PDS5B: variants seen among roughly 807,000 people sequenced by gnomAD.
PDS5B encodes PDS5 cohesin associated factor B, also known as sister chromatid cohesion protein PDS5 homolog B.
A neutral mutation model predicts 184.1 loss-of-function variants in PDS5B; 51 were observed. The observed-to-expected ratio is 0.28, with a 90% CI of 0.22 to 0.35. PDS5B has a LOEUF of 0.35. PDS5B is among the 10% of genes least tolerant of loss of function. PDS5B has a pLI of 1.00. For synonymous variants in PDS5B, 566 were observed against 569.2 expected (o/e 0.99, Z 0.08); for missense variants, 1,180 against 1,723.3 (o/e 0.68, Z 5.58).
At chr13:32,717,066 T>A (rs1233377360) in intron 19 of PDS5B, among the ~76,000 whole-genome samples, 2 of 118,308 alleles carry the variant, frequency 1.7e-5, no homozygotes, top group Admixed American at 8.1e-5. Context: ...GGGAGGGAGG[T>A]GGGGGGGTCA....
intron 10 of PDS5B, among the ~76,000 whole-genome samples, chr13:32,679,614 C>G (rs556680840): frequency 6.7e-6 from 1 of 149,424 alleles, no homozygotes; most frequent in Admixed American, 6.7e-5. Flanking sequence ...CCAGCCTGGT[C>G]AACAAGAGCG....
intron 15 of PDS5B, among the ~76,000 whole-genome samples, chr13:32,697,724 T>C (rs989989676): frequency 2.0e-5 from 3 of 152,154 alleles, no homozygotes; most frequent in African/African-American, 7.2e-5. Flanking sequence ...TAATTTGATG[T>C]TTAGAGGTGA....
chr13:32,741,802 A>G (rs1953568223), intron 22 of PDS5B, among the ~76,000 whole-genome samples: 1 of 151,356 alleles, frequency 6.6e-6, no homozygotes, highest in African/African-American at 2.4e-5. Flanking sequence ...GGAGGTTATG[A>G]TACTAGTTTT....
chr13:32,627,237 T>C (rs1396176836), intron 1 of PDS5B, among the ~76,000 whole-genome samples: 2 of 152,206 alleles, frequency 1.3e-5, no homozygotes, highest in Non-Finnish European at 2.9e-5. Context: ...CTCTGAGATG[T>C]CTTGTTTTAC....
chr13:32,760,690 A>G lies in PDS5B; in HGVS notation c.3488A>G (p.Asn1163Ser). ...GTAAGCAATGCAAGCAGCAGCTCAA[A>G]TCCAAGCTCTCCTGGAAGAATAAAG... ...ETVSNASSSS[N>S]PSSPGRIKGR... is the part of the protein sequence containing the mutation. Residue 1163 changes from asparagine (N) to serine (S), a missense_variant, in exon 30 of 35, where the codon AAT (asparagine) becomes AGT (serine). Physicochemically the swap from Asn to Ser is conservative, Grantham distance 46. Coordinates refer to ENST00000315596, the MANE Select transcript of PDS5B (RefSeq NM_015032.4). 3 of 1,614,066 alleles carry G rather than the reference A, an allele frequency of 1.9e-6. No homozygotes were observed. The highest frequency in any genetic ancestry group is 2.5e-6 in the Non-Finnish European group (3 of 1,179,962).
intron 11 of PDS5B, among the ~76,000 whole-genome samples, chr13:32,686,844 T>A (rs1042915792): frequency 6.6e-6 from 1 of 152,146 alleles, no homozygotes; most frequent in Non-Finnish European, 1.5e-5. Context: ...TCACAGTATG[T>A]AGAGTATGAT....
intron 20 of PDS5B, 86 bp from the exon 21 acceptor site, chr13:32,735,086 A>C: frequency 2.6e-6 from 2 of 771,790 alleles, no homozygotes; most frequent in South Asian, 7.7e-5. Context: ...TTACAAAATA[A>C]ATTTTGTAAT....
chr13:32,699,999 A>AT, intron 16 of PDS5B, 130 bp downstream of exon 16: 1 of 802,968 alleles, frequency 1.2e-6, no homozygotes, highest in Non-Finnish European at 1.8e-6. Flanking sequence ...CAGATAAACT[A>AT]TAATTTCTCT....
At chr13:32,587,853 C>T (rs1242689628) in intron 1 of PDS5B, among the ~76,000 whole-genome samples, 1 of 152,160 alleles carries the variant, frequency 6.6e-6, no homozygotes, top group Non-Finnish European at 1.5e-5. Flanking sequence ...TGGGTATAGC[C>T]TTAATTTAGA....
At position 32,758,204 on chromosome 13, in the gene PDS5B, T is replaced by C; in HGVS notation, c.3174T>C (p.Asp1058=). 6.5e-7 allele frequency: 1 copy of C among 1,531,218 alleles called. No homozygotes were observed. 94.9% of individuals were successfully genotyped at this position (1,531,218 alleles called of 1,614,324 possible). A position where few individuals can be genotyped will look rare whatever the true frequency, so the allele number is the denominator to read the frequency against. ...KQTKDAQGPD[D]AKMNEKLYTV... Reference sequence around the variant, plus strand: ...CAAAAGATGCCCAAGGACCAGATGATGCAAAAATGAATGAAGTATGTAATT... The same window carrying C: ...CAAAAGATGCCCAAGGACCAGATGACGCAAAAATGAATGAAGTATGTAATT... Residue 1058 remains aspartate, a synonymous_variant, in exon 27 of 35, where the codon GAT becomes GAC. Transcript: ENST00000315596.
At chr13:32,688,003 A>G (rs929716367) in intron 12 of PDS5B, among the ~76,000 whole-genome samples, 4 of 152,198 alleles carry the variant, frequency 2.6e-5, no homozygotes, top group Non-Finnish European at 5.9e-5. Context: ...GCATCAGTGC[A>G]CAAAGAATTA....
chr13:32,598,039 T>C (rs2057908518), intron 1 of PDS5B, among the ~76,000 whole-genome samples: 1 of 151,952 alleles, frequency 6.6e-6, no homozygotes, highest in Non-Finnish European at 1.5e-5. Context: ...AGACGAGACG[T>C]TTCCTTCCAG....
intron 3 of PDS5B, among the ~76,000 whole-genome samples, chr13:32,654,062 C>G (rs1950436734): frequency 6.6e-6 from 1 of 151,998 alleles, no homozygotes; most frequent in Admixed American, 6.6e-5. Context: ...TGCATTATTC[C>G]CTAGCTGAAA....
intron 1 of PDS5B, among the ~76,000 whole-genome samples, chr13:32,597,762 G>A (rs982942786): frequency 2.0e-5 from 3 of 151,638 alleles, no homozygotes; most frequent in Non-Finnish European, 4.4e-5. Context: ...CAGGAGAATT[G>A]CTTGAACCTG....
chr13:32,679,117 G>C (rs976268361), intron 10 of PDS5B, among the ~76,000 whole-genome samples, 188 bp downstream of exon 10: 1 of 149,682 alleles, frequency 6.7e-6, no homozygotes, highest in Non-Finnish European at 1.5e-5. Flanking sequence ...ACAAGGTCTC[G>C]CTATGTTGCC....
chr13:32,675,720 A>G (rs1951046651), intron 8 of PDS5B, 124 bp from the exon 9 acceptor site: 1 of 556,640 alleles, frequency 1.8e-6, no homozygotes, highest in South Asian at 3.0e-5. Context: ...GTAATTTTTC[A>G]TTTAGAGTTC....
intron 12 of PDS5B, 103 bp from the exon 13 acceptor site, chr13:32,688,353 G>T: frequency 1.7e-6 from 1 of 578,804 alleles, no homozygotes. Context: ...TAGAGCGGCA[G>T]GAACTTCTTT....
intron 31 of PDS5B, among the ~76,000 whole-genome samples, chr13:32,769,272 T>C (rs1224100595): frequency 6.6e-6 from 1 of 152,194 alleles, no homozygotes; most frequent in South Asian, 2.1e-4. Context: ...AGGATGTAAT[T>C]AGGCAGTTCA....
intron 1 of PDS5B, among the ~76,000 whole-genome samples, chr13:32,588,576 T>C (rs1721049179): frequency 6.6e-6 from 1 of 152,354 alleles, no homozygotes; most frequent in African/African-American, 2.4e-5. Flanking sequence ...TCTCCTTGTT[T>C]CGGTTAAGGC....
Sources: gnomAD v4.1 joint callset for allele counts (sites outside exome capture counted in the v4.1 genomes callset) on GRCh38, gnomAD v4.1.1 for gene constraint, MANE v1.5 for transcripts, NCBI Gene and HGNC (gene_info 2026-07-23, HGNC 2026-07-21) for gene names.